BCR: variants seen among roughly 807,000 people sequenced by gnomAD.
BCR encodes the protein BCR activator of RhoGEF and GTPase, also known as breakpoint cluster region protein.
In BCR, 58 loss-of-function variants were observed where a neutral mutation model predicts 138.6. The observed-to-expected ratio is 0.42, with a 90% CI of 0.34 to 0.52. BCR has a LOEUF of 0.52. Among genes scored for constraint, BCR ranks in the 20% least tolerant of loss-of-function variants. The pLI is 0.06. For synonymous variants in BCR, 786 were observed against 730.1 expected, an observed-to-expected ratio of 1.08 and a Z score of -1.23; for missense variants, 1,599 against 1,727.2, an observed-to-expected ratio of 0.93 and a Z score of 1.32.
intron 1 of BCR, among the ~76,000 whole-genome samples, chr22:23,226,283 A>C (rs1352581180): frequency 6.6e-6 from 1 of 151,110 alleles, no homozygotes; most frequent in Non-Finnish European, 1.5e-5. Context: ...TAATTATTTT[A>C]TATTTATTGG....
chr22:23,196,810 G>A (rs1293485548), intron 1 of BCR, among the ~76,000 whole-genome samples: 3 of 152,152 alleles, frequency 2.0e-5, no homozygotes, highest in Admixed American at 2.0e-4. Context: ...CAGTAATGGA[G>A]CAATGAGGAG....
chr22:23,255,524 C>T (rs964135385), intron 2 of BCR, among the ~76,000 whole-genome samples: 8 of 152,178 alleles, frequency 5.3e-5, no homozygotes, highest in Admixed American at 6.5e-5. Flanking sequence ...AAAGAAGGAC[C>T]AAGTTCAGGT....
chr22:23,263,340 A>C, intron 4 of BCR: 2 of 1,197,620 alleles, frequency 1.7e-6, no homozygotes, highest in Non-Finnish European at 2.4e-6. Context: ...CCGGCGCCAG[A>C]TAGCCTGGGC....
intron 4 of BCR, chr22:23,263,974 A>G: frequency 1.1e-6 from 1 of 887,928 alleles, no homozygotes; most frequent in South Asian, 1.3e-5. Context: ...CTGATGACAC[A>G]CTTGGACAGA....
chr22:23,283,890 A>G (rs897154681), intron 8 of BCR, 87 bp from the exon 9 acceptor site: 3 of 1,449,224 alleles, frequency 2.1e-6, no homozygotes, highest in Non-Finnish European at 9.1e-7. Flanking sequence ...CTCTGGGTCA[A>G]CCTGCTCCTG....
intron 1 of BCR, among the ~76,000 whole-genome samples, chr22:23,201,426 G>C (rs1193435161): frequency 6.6e-6 from 1 of 151,770 alleles, no homozygotes; most frequent in Admixed American, 6.6e-5. Flanking sequence ...ACACACAGCT[G>C]TTTGCTTTTC....
At chr22:23,243,573 G>A (rs1028263944) in intron 1 of BCR, among the ~76,000 whole-genome samples, 27 of 151,992 alleles carry the variant, frequency 1.8e-4, no homozygotes, top group East Asian at 1.9e-4. Flanking sequence ...TTTGGCTTTC[G>A]TGAGTGGTAT....
chr22:23,271,477 G>A (rs1372456744), intron 5 of BCR, 55 bp from the exon 6 acceptor site: 2 of 1,561,346 alleles, frequency 1.3e-6, no homozygotes, highest in East Asian at 2.2e-5. Flanking sequence ...GGAACTGTCT[G>A]CATCATCAAA....
intron 1 of BCR, among the ~76,000 whole-genome samples, chr22:23,220,014 C>T (rs2072804772): frequency 6.6e-6 from 1 of 152,210 alleles, no homozygotes; most frequent in South Asian, 2.1e-4. Flanking sequence ...AAGGACACGG[C>T]CCCTTGGGGC....
intron 4 of BCR, chr22:23,263,054 G>C: frequency 1.3e-6 from 1 of 751,002 alleles, no homozygotes; most frequent in South Asian, 2.0e-5. Context: ...TCAGGGCTAG[G>C]CGGCGGGAGG....
chr22:23,305,612 C>T (rs755299819), intron 16 of BCR, among the ~76,000 whole-genome samples: 2 of 152,232 alleles, frequency 1.3e-5, no homozygotes, highest in Non-Finnish European at 1.5e-5. Flanking sequence ...CCCACCCCAC[C>T]ACTTCCCTGG....
In BCR at chr22:23,295,021, C is replaced by T. The variant is rs1294506734; in HGVS notation, c.2881-3C>T. Reference sequence around the variant, plus strand: ...GGACTTCCCTTCTCCCTTGGGGCTGCAGGAATTTGAGATAGAGCTGGAGGG... The same window carrying T: ...GGACTTCCCTTCTCCCTTGGGGCTGTAGGAATTTGAGATAGAGCTGGAGGG... On this transcript the variant is annotated splice_polypyrimidine_tract_variant and splice_region_variant and intron_variant, in intron 15 of 22. Coordinates refer to ENST00000305877, the MANE Select transcript of BCR (RefSeq NM_004327.4). 1 of 1,613,746 alleles carries T rather than the reference C, an allele frequency of 6.2e-7. No individual in the cohort carries two copies. Among genetic ancestry groups the T allele is most frequent in the Non-Finnish European group, 8.5e-7 (1 of 1,179,750 alleles).
At chr22:23,303,312 A>G (rs912562965) in intron 16 of BCR, among the ~76,000 whole-genome samples, 1 of 152,192 alleles carries the variant, frequency 6.6e-6, no homozygotes. Context: ...ATCACGTCAC[A>G]GGGGACGTGA....
chr22:23,253,073 G>A (rs2073249706), intron 1 of BCR, among the ~76,000 whole-genome samples: 1 of 152,150 alleles, frequency 6.6e-6, no homozygotes, highest in African/African-American at 2.4e-5. Flanking sequence ...ACGGCTCAGA[G>A]AACTCAGGAA....
intron 1 of BCR, among the ~76,000 whole-genome samples, chr22:23,183,088 T>G (rs2072292326): frequency 6.6e-6 from 1 of 152,208 alleles, no homozygotes; most frequent in African/African-American, 2.4e-5. Flanking sequence ...GCTCCCAATC[T>G]GTGGTCAGAT....
At chr22:23,198,274 C>T (rs1175337592) in intron 1 of BCR, 1 of 448,262 alleles carries the variant, frequency 2.2e-6, no homozygotes, top group Non-Finnish European at 4.4e-6. Context: ...GAGTGTCCAC[C>T]GTCGGCCTGC....
intron 16 of BCR, 82 bp downstream of exon 16, chr22:23,295,237 T>C: frequency 4.5e-6 from 3 of 660,166 alleles, no homozygotes; most frequent in Non-Finnish European, 7.5e-6. Context: ...GAGATGGTCA[T>C]GGCCTTGCAC....
intron 16 of BCR, chr22:23,306,366 GTCC>G (rs1436430839): frequency 2.0e-5 from 3 of 152,338 alleles, no homozygotes; most frequent in Non-Finnish European, 4.4e-5. Context: ...TGAGCAGGGT[GTCC>G]TCCACCCTGG....
At chr22:23,313,703 A>T (rs964807765) in intron 20 of BCR, among the ~76,000 whole-genome samples, 8 of 152,152 alleles carry the variant, frequency 5.3e-5, no homozygotes, top group Non-Finnish European at 1.2e-4. Flanking sequence ...AGCTCTGCCC[A>T]TGAGCAGCTG....
Sources: allele counts gnomAD v4.1 joint callset (sites outside exome capture counted in the v4.1 genomes callset), GRCh38; gene constraint gnomAD v4.1.1; transcripts MANE v1.5; gene names NCBI Gene and HGNC (gene_info 2026-07-23, HGNC 2026-07-21).